COL14A1: variants seen among roughly 807,000 people sequenced by gnomAD.
COL14A1 encodes collagen type XIV alpha 1 chain, also known as collagen alpha-1(XIV) chain.
Under a neutral mutation model 230.3 loss-of-function variants are expected in COL14A1, and 136 were observed. That is an observed-to-expected ratio of 0.59 (90% CI 0.51 to 0.68). The LOEUF is 0.68. Among genes scored for constraint, COL14A1 ranks in the 30% least tolerant of loss-of-function variants. The pLI, the probability that COL14A1 is intolerant of heterozygous loss-of-function variation, is 0.00. For synonymous variants in COL14A1, 792 were observed against 784.1 expected (o/e 1.01, Z -0.17); for missense variants, 1,976 against 2,215.8 (o/e 0.89, Z 2.17).
chr8:120,286,641 C>G (rs1820213304), intron 33 of COL14A1, among the ~76,000 whole-genome samples: 2 of 152,128 alleles, frequency 1.3e-5, no homozygotes, highest in Non-Finnish European at 2.9e-5. Context: ...TCCCGAGGAG[C>G]TGGGATTACA....
chr8:120,216,551 C>T, intron 14 of COL14A1, 61 bp downstream of exon 14: 1 of 1,485,174 alleles, frequency 6.7e-7, no homozygotes, highest in African/African-American at 1.4e-5. Flanking sequence ...TTTATGGCTA[C>T]ATAACCAATC....
chr8:120,334,585 A>AACACACACACACACACAC (rs3054171), intron 42 of COL14A1, among the ~76,000 whole-genome samples: 11 of 144,692 alleles, frequency 7.6e-5, no homozygotes, highest in African/African-American at 2.6e-4. Context: ...CACACACAAA[A>AACACACACACACACACAC]ACACACACAC....
At chr8:120,246,288 C>G (rs191373027) in intron 20 of COL14A1, among the ~76,000 whole-genome samples, 1 of 152,064 alleles carries the variant, frequency 6.6e-6, no homozygotes, top group African/African-American at 2.4e-5. Flanking sequence ...TAAAAATCAC[C>G]CAGAGTATTG....
chr8:120,189,084 T>TA (rs1469618362), intron 5 of COL14A1, among the ~76,000 whole-genome samples: 1 of 152,236 alleles, frequency 6.6e-6, no homozygotes, highest in Non-Finnish European at 1.5e-5. Flanking sequence ...TGCATTTCTT[T>TA]AAAAAGATTC....
intron 5 of COL14A1, among the ~76,000 whole-genome samples, chr8:120,193,822 C>G (rs1038726919): frequency 2.0e-5 from 3 of 152,120 alleles, no homozygotes; most frequent in East Asian, 3.9e-4. Context: ...TAGCAATCAG[C>G]GAGACTCTGT....
At chr8:120,254,779 G>A (rs1010763840) in intron 22 of COL14A1, among the ~76,000 whole-genome samples, 1 of 135,132 alleles carries the variant, frequency 7.4e-6, no homozygotes, top group Non-Finnish European at 1.5e-5. Context: ...GAGCTCAGGA[G>A]TTTGAGACCA....
chr8:120,307,976 T>A (rs10103136), intron 36 of COL14A1, among the ~76,000 whole-genome samples: 47,487 of 152,080 alleles, frequency 0.31, 8,525 homozygotes, highest in East Asian at 0.55. Flanking sequence ...CATTTAAAAA[T>A]TTTTTTTTAA....
At chr8:120,190,813 T>C (rs1299578833) in intron 5 of COL14A1, among the ~76,000 whole-genome samples, 1 of 152,214 alleles carries the variant, frequency 6.6e-6, no homozygotes, top group Admixed American at 6.5e-5. Context: ...TTCTTCTAGA[T>C]TTTCTAGTTT....
upstream of COL14A1, among the ~76,000 whole-genome samples, chr8:120,124,787 C>T (rs959430887): frequency 1.4e-4 from 22 of 152,280 alleles, no homozygotes; most frequent in African/African-American, 4.6e-4. Context: ...CTCGAGACCT[C>T]CCAAAGAGAG....
rs1821907033 is a variant in COL14A1 at position 120,332,540 on chromosome 8, T to A, written c.4714-124T>A. On this transcript the variant is annotated intron_variant, in intron 41 of 47. Coordinates refer to ENST00000297848, the MANE Select transcript of COL14A1 (RefSeq NM_021110.4). ...TTGGGAGTTGGGAACAGGAATGAGG[T>A]CCTGGTGATGAGGGGGAGGGAAGCT... The A allele has an allele frequency of 9.0e-6, 7 of 777,548 alleles. No individual in the cohort carries two copies. The South Asian group carries it at 1.1e-4, about 12-fold the overall frequency. 48.2% of individuals were successfully genotyped at this position (777,548 alleles called of 1,614,324 possible).
At position 120,213,444 on chromosome 8, in the gene COL14A1, G is replaced by A. The variant is rs373399911; in HGVS notation, c.1597+867G>A. ...AGATTCCATTTGGGAAAACAAAATA[G>A]AAGTTTAATGATAAAGAAGTTTGCA... is the stretch of plus-strand genomic sequence containing the variant. On this transcript the variant is annotated intron_variant, in intron 13 of 47. Transcript: ENST00000297848. 1.5e-4 allele frequency among the ~76,000 whole-genome samples: 23 copies of A among 152,276 alleles called. No homozygotes were observed. In the East Asian group the frequency reaches 3.5e-3, roughly 23 times the overall value.
In COL14A1 at chr8:120,332,071, A is replaced by G. The variant is rs1332756437; in HGVS notation, c.4660-70A>G. On this transcript the variant is annotated intron_variant, in intron 40 of 47. Transcript: ENST00000297848. ...ACTTGACCCCCAAACATGAAAAGGA[A>G]CTAAATGAGCCCATTCTGAAAGCCA... 7 of 1,345,956 alleles carry G rather than the reference A, an allele frequency of 5.2e-6. No individual in the cohort carries two copies. In the South Asian group the frequency reaches 5.9e-5, roughly 11 times the overall value. 83.4% of individuals were successfully genotyped at this position (1,345,956 alleles called of 1,614,324 possible).
At chr8:120,213,156 A>G (rs567566586) in intron 13 of COL14A1, among the ~76,000 whole-genome samples, 1 of 152,166 alleles carries the variant, frequency 6.6e-6, no homozygotes, top group African/African-American at 2.4e-5. Context: ...TTGAGTAAAA[A>G]TTTTGTTGGT....
intron 28 of COL14A1, among the ~76,000 whole-genome samples, chr8:120,279,662 C>G (rs1406031865): frequency 6.6e-6 from 1 of 151,958 alleles, no homozygotes; most frequent in Non-Finnish European, 1.5e-5. Context: ...AGATATTACT[C>G]AAATGCAAAC....
chr8:120,316,596 T>C (rs763438761), intron 40 of COL14A1, among the ~76,000 whole-genome samples: 1 of 152,084 alleles, frequency 6.6e-6, no homozygotes, highest in East Asian at 1.9e-4. Flanking sequence ...TATAACTAAA[T>C]AAGAAACTTT....
At chr8:120,290,017 A>C (rs942835406) in intron 34 of COL14A1, among the ~76,000 whole-genome samples, 1 of 152,226 alleles carries the variant, frequency 6.6e-6, no homozygotes, top group Non-Finnish European at 1.5e-5. Context: ...AATATGCATT[A>C]GGAATTAGGC....
chr8:120,348,355 A>T (rs1822609672), intron 45 of COL14A1, among the ~76,000 whole-genome samples: 1 of 151,084 alleles, frequency 6.6e-6, no homozygotes, highest in Non-Finnish European at 1.5e-5. Context: ...CAGCCATAAA[A>T]AGGAATGAAT....
At chr8:120,167,261 A>T (rs1815931224) in intron 4 of COL14A1, among the ~76,000 whole-genome samples, 1 of 152,180 alleles carries the variant, frequency 6.6e-6, no homozygotes, top group Non-Finnish European at 1.5e-5. Flanking sequence ...ATGGAACAAT[A>T]TCCTGGAGAA....
At chr8:120,255,418 C>T (rs1223846779) in intron 23 of COL14A1, 62 bp downstream of exon 23, 2 of 1,198,326 alleles carry the variant, frequency 1.7e-6, no homozygotes, top group Non-Finnish European at 2.5e-6. Context: ...CTTTGCACAC[C>T]ACTGTGTACA....
Sources: allele counts gnomAD v4.1 joint callset (sites outside exome capture counted in the v4.1 genomes callset), GRCh38; gene constraint gnomAD v4.1.1; transcripts MANE v1.5; gene names NCBI Gene and HGNC (gene_info 2026-07-23, HGNC 2026-07-21).